Variants in EPM2A observed in about 807,000 individuals in gnomAD.
The protein encoded by EPM2A is EPM2A glucan phosphatase, laforin, also known as laforin.
A neutral mutation model predicts 26.5 loss-of-function variants in EPM2A; 21 were observed. The ratio of observed to expected loss-of-function variants is 0.79; its 90% CI spans 0.56 to 1.14. The LOEUF is 1.14. Ranked by LOEUF, EPM2A falls within the 50% of genes most tolerant of loss-of-function variation. EPM2A has a pLI of 0.00. For synonymous variants in EPM2A, 217 were observed against 177.6 expected (o/e 1.22, Z -1.76); for missense variants, 458 against 440.8 (o/e 1.04, Z -0.35).
At chr6:145,566,909 A>G (rs190629330) in intron 2 of EPM2A, among the ~76,000 whole-genome samples, 18 of 152,358 alleles carry the variant, frequency 1.2e-4, no homozygotes, top group African/African-American at 4.1e-4. Context: ...ATTCTCGTTT[A>G]GTAGTTCTAT....
chr6:145,396,098 G>A (rs1283550471), intron 4 of EPM2A, among the ~76,000 whole-genome samples: 1 of 152,086 alleles, frequency 6.6e-6, no homozygotes. Flanking sequence ...ACTTTGTTCT[G>A]GTCCTCTTGG....
intron 2 of EPM2A, among the ~76,000 whole-genome samples, chr6:145,603,779 CAT>C (rs764112237): frequency 6.4e-4 from 97 of 152,256 alleles, no homozygotes; most frequent in Middle Eastern, 3.4e-3. Context: ...GTACTCAACA[CAT>C]GTTTATTGAA....
chr6:145,631,414 A>G (rs537286500), intron 3 of EPM2A: 6 of 152,312 alleles, frequency 3.9e-5, no homozygotes, highest in African/African-American at 1.4e-4. Context: ...AATGCTGACA[A>G]CTAAGTTGAA....
chr6:145,411,706 C>A (rs932124190), intron 4 of EPM2A, among the ~76,000 whole-genome samples: 14 of 152,070 alleles, frequency 9.2e-5, no homozygotes, highest in South Asian at 2.1e-4. Context: ...AATCATCAAC[C>A]CACACATGCC....
chr6:145,727,783 C>A (rs1215315503), intron 1 of EPM2A, among the ~76,000 whole-genome samples: 1 of 152,150 alleles, frequency 6.6e-6, no homozygotes, highest in Admixed American at 6.5e-5. Context: ...AATCACTACC[C>A]TAATTTTTTT....
intron 2 of EPM2A, among the ~76,000 whole-genome samples, chr6:145,597,752 G>A (rs1781367403): frequency 1.3e-5 from 2 of 152,086 alleles, no homozygotes; most frequent in African/African-American, 4.8e-5. Context: ...AGGCCCCAGT[G>A]TCTGTTGTTC....
Position 145,580,790 on chromosome 6 carries a change from T to C in EPM2A, c.340+54455A>G, listed in dbSNP as rs9485006. On this transcript the variant is annotated intron_variant, in intron 2 of 3. Coordinates refer to the EPM2A transcript ENST00000450221. ...GTCGTATTTGGTTTCTGCTCCTGTG[T>C]CAATTCACTTAGGATAATGGCCTCC... Among the ~76,000 whole-genome samples, 794 of 152,286 alleles carry C rather than the reference T, an allele frequency of 5.2e-3. 4 individuals carry two copies. Among genetic ancestry groups the C allele is most frequent in the African/African-American group, 0.018 (760 of 41,554 alleles).
intron 2 of EPM2A, among the ~76,000 whole-genome samples, chr6:145,571,785 C>A (rs1780959150): frequency 6.6e-6 from 1 of 152,202 alleles, no homozygotes; most frequent in African/African-American, 2.4e-5. Flanking sequence ...CCACTTTGTT[C>A]ATGGGCCCAC....
At chr6:145,438,085 G>A (rs1407830502) in intron 4 of EPM2A, among the ~76,000 whole-genome samples, 2 of 152,176 alleles carry the variant, frequency 1.3e-5, no homozygotes, top group African/African-American at 4.8e-5. Context: ...GGTGGTGTAT[G>A]TGTGTGTGCA....
intron 4 of EPM2A, chr6:145,490,844 A>C: frequency 1.5e-6 from 1 of 646,962 alleles, no homozygotes; most frequent in Non-Finnish European, 2.9e-6. Context: ...TTCTTCTTTA[A>C]TCTGCCCTTT....
chr6:145,715,872 T>G (rs546333668), intron 1 of EPM2A, among the ~76,000 whole-genome samples: 1 of 152,260 alleles, frequency 6.6e-6, no homozygotes, highest in East Asian at 1.9e-4. Flanking sequence ...TACATTATGG[T>G]GAGTTGTATA....
chr6:145,476,173 C>T (rs1184637953), intron 4 of EPM2A, among the ~76,000 whole-genome samples: 1 of 151,976 alleles, frequency 6.6e-6, no homozygotes, highest in Non-Finnish European at 1.5e-5. Flanking sequence ...AAGAAGTTGA[C>T]TTGTAGACAA....
At chr6:145,576,991 A>T (rs568869903) in intron 2 of EPM2A, among the ~76,000 whole-genome samples, 10 of 151,312 alleles carry the variant, frequency 6.6e-5, no homozygotes, top group Admixed American at 2.6e-4. Context: ...TACAAGCTTC[A>T]TGGTAACCAC....
At chr6:145,592,200 C>G (rs1161072291) in intron 2 of EPM2A, among the ~76,000 whole-genome samples, 3 of 135,070 alleles carry the variant, frequency 2.2e-5, no homozygotes, top group Non-Finnish European at 4.6e-5. Context: ...GTGATGTTCC[C>G]CACCCTGTGT....
intron 4 of EPM2A, among the ~76,000 whole-genome samples, chr6:145,408,599 C>T (rs549137128): frequency 6.6e-6 from 1 of 152,302 alleles, no homozygotes; most frequent in East Asian, 1.9e-4. Flanking sequence ...CATCCTACCT[C>T]ATCCCAGTTA....
chr6:145,500,342 A>G (rs1177897339), downstream of EPM2A, among the ~76,000 whole-genome samples: 1 of 152,220 alleles, frequency 6.6e-6, no homozygotes, highest in Non-Finnish European at 1.5e-5. Flanking sequence ...TTGATGTTGT[A>G]GTCCCAGTAG....
intron 4 of EPM2A, among the ~76,000 whole-genome samples, chr6:145,463,678 G>A (rs1340289620): frequency 6.6e-6 from 1 of 152,080 alleles, no homozygotes; most frequent in East Asian, 1.9e-4. Context: ...AACAATGGAT[G>A]TGTAGGTTGA....
chr6:145,522,738 T>A (rs188297572), intron 2 of EPM2A, among the ~76,000 whole-genome samples: 17 of 152,326 alleles, frequency 1.1e-4, no homozygotes, highest in African/African-American at 4.1e-4. Flanking sequence ...ACAGAATAGC[T>A]GCTTATTATC....
At chr6:145,530,452 C>T (rs1306257785) in intron 2 of EPM2A, among the ~76,000 whole-genome samples, 1 of 151,638 alleles carries the variant, frequency 6.6e-6, no homozygotes, top group African/African-American at 2.4e-5. Flanking sequence ...ATAGCAGAAG[C>T]CATTGATACA....
Sources: allele counts gnomAD v4.1 joint callset (sites outside exome capture counted in the v4.1 genomes callset), GRCh38; gene constraint gnomAD v4.1.1; transcripts MANE v1.5; gene names NCBI Gene and HGNC (gene_info 2026-07-23, HGNC 2026-07-21).